Variants in CSMD1 observed in about 807,000 individuals in gnomAD.
CSMD1 encodes CUB and sushi domain-containing protein 1.
In CSMD1, 213 loss-of-function variants were observed where a neutral mutation model predicts 417.5. The observed-to-expected ratio is 0.51, with a 90% CI of 0.46 to 0.57. The LOEUF is 0.57. Among genes scored for constraint, CSMD1 ranks in the 20% least tolerant of loss-of-function variants. CSMD1 has a pLI of 0.00. For synonymous variants in CSMD1, 2,862 were observed against 1,736.8 expected (o/e 1.65, Z -16.11); for missense variants, 6,923 against 4,529.7 (o/e 1.53, Z -15.17).
chr8:4,921,173 G>A (rs919218529), intron 1 of CSMD1, among the ~76,000 whole-genome samples: 14 of 152,010 alleles, frequency 9.2e-5, no homozygotes, highest in African/African-American at 3.1e-4. Flanking sequence ...TGGTGATTTA[G>A]GGTCAGAAAC....
intron 1 of CSMD1, among the ~76,000 whole-genome samples, chr8:4,893,269 C>G (rs6558933): frequency 6.6e-6 from 1 of 152,016 alleles, no homozygotes. Flanking sequence ...ATGTTTCTAA[C>G]TGATGTTTTT....
intron 3 of CSMD1, among the ~76,000 whole-genome samples, chr8:4,318,986 T>C (rs1183514346): frequency 1.3e-5 from 2 of 152,200 alleles, no homozygotes; most frequent in African/African-American, 4.8e-5. Context: ...ATCATCTTCA[T>C]ATTAAACAGC....
intron 10 of CSMD1, among the ~76,000 whole-genome samples, chr8:3,570,993 A>T (rs115399630): frequency 0.026 from 4,007 of 152,316 alleles, 173 homozygotes; most frequent in African/African-American, 0.087. Flanking sequence ...AAAAATATTT[A>T]TGATTATTGA....
intron 10 of CSMD1, among the ~76,000 whole-genome samples, chr8:3,516,458 T>G (rs530168220): frequency 6.6e-6 from 1 of 152,120 alleles, no homozygotes; most frequent in African/African-American, 2.4e-5. Flanking sequence ...AGTGAGTCAT[T>G]GGAGTTGCCA....
chr8:2,947,398 G>A (rs1245382505), intron 68 of CSMD1, among the ~76,000 whole-genome samples: 3 of 152,148 alleles, frequency 2.0e-5, no homozygotes, highest in African/African-American at 7.2e-5. Context: ...TGCTGTTGCA[G>A]AATTACGTAA....
At chr8:3,694,344 G>A (rs17398135) in intron 7 of CSMD1, among the ~76,000 whole-genome samples, 1 of 152,062 alleles carries the variant, frequency 6.6e-6, no homozygotes, top group Non-Finnish European at 1.5e-5. Flanking sequence ...ACAGACAGGG[G>A]TCACTCAGGC....
intron 3 of CSMD1, among the ~76,000 whole-genome samples, chr8:4,154,569 G>A (rs1460823754): frequency 1.3e-5 from 2 of 152,152 alleles, no homozygotes; most frequent in East Asian, 1.9e-4. Flanking sequence ...GCCGTGAGCT[G>A]GGCCAAGAGG....
At chr8:4,753,406 CACACACACA>C (rs1811468877) in intron 1 of CSMD1, among the ~76,000 whole-genome samples, 13 of 52,590 alleles carry the variant, frequency 2.5e-4, no homozygotes, top group African/African-American at 4.4e-4. Context: ...CCATAAACCA[CACACACACA>C]CACACACACA....
At chr8:3,243,529 T>A (rs1244812344) in intron 26 of CSMD1, among the ~76,000 whole-genome samples, 1 of 151,950 alleles carries the variant, frequency 6.6e-6, no homozygotes, top group Non-Finnish European at 1.5e-5. Flanking sequence ...GGGGAGTTTT[T>A]GAGCCAGGAT....
intron 6 of CSMD1, among the ~76,000 whole-genome samples, chr8:3,740,920 A>C (rs1395363301): frequency 6.6e-6 from 1 of 152,004 alleles, no homozygotes; most frequent in East Asian, 1.9e-4. Context: ...CTGGGATCAG[A>C]AGAAGATAGA....
chr8:3,066,390 A>G (rs1254316881), intron 49 of CSMD1, among the ~76,000 whole-genome samples: 1 of 152,238 alleles, frequency 6.6e-6, no homozygotes, highest in South Asian at 2.1e-4. Flanking sequence ...AGAATCAGTG[A>G]CAGAACTCAA....
intron 8 of CSMD1, among the ~76,000 whole-genome samples, chr8:3,605,008 G>A (rs1250308404): frequency 1.3e-5 from 2 of 152,098 alleles, no homozygotes; most frequent in East Asian, 3.9e-4. Context: ...AAAGAAAGCA[G>A]TTCTTTTGTT....
At chr8:4,550,431 TA>T (rs1797820385) in intron 2 of CSMD1, among the ~76,000 whole-genome samples, 3 of 151,974 alleles carry the variant, frequency 2.0e-5, no homozygotes, top group South Asian at 4.2e-4. Context: ...TCTTGGCTAT[TA>T]AAAAAACTGT....
At chr8:4,897,216 A>T (rs1469262337) in intron 1 of CSMD1, among the ~76,000 whole-genome samples, 1 of 152,044 alleles carries the variant, frequency 6.6e-6, no homozygotes, top group Non-Finnish European at 1.5e-5. Flanking sequence ...AACTCACAAC[A>T]CGTCTGTTTT....
chr8:3,202,432 A>G (rs1797038354), intron 31 of CSMD1, among the ~76,000 whole-genome samples: 1 of 152,204 alleles, frequency 6.6e-6, no homozygotes, highest in East Asian at 1.9e-4. Context: ...CCTACAGGTT[A>G]TGAAAGGTGT....
intron 8 of CSMD1, among the ~76,000 whole-genome samples, chr8:3,599,010 G>C (rs984002017): frequency 1.3e-5 from 2 of 152,146 alleles, no homozygotes; most frequent in South Asian, 2.1e-4. Flanking sequence ...GAATGTGGGA[G>C]GTAGGGGTTG....
intron 1 of CSMD1, among the ~76,000 whole-genome samples, chr8:4,713,015 T>C (rs1192019763): frequency 6.6e-6 from 1 of 152,244 alleles, no homozygotes; most frequent in Non-Finnish European, 1.5e-5. Context: ...TTAGGCTGCC[T>C]GACTACAAGG....
intron 3 of CSMD1, among the ~76,000 whole-genome samples, chr8:4,309,876 A>G (rs1156352033): frequency 4.6e-5 from 7 of 152,202 alleles, no homozygotes; most frequent in Non-Finnish European, 8.8e-5. Context: ...GCATCACTTC[A>G]GAGGGTCTTA....
chr8:4,387,190 G>C (rs907537278), intron 3 of CSMD1, among the ~76,000 whole-genome samples: 1 of 152,102 alleles, frequency 6.6e-6, no homozygotes, highest in Non-Finnish European at 1.5e-5. Context: ...GTGGCTAGGA[G>C]GTATCTGAGT....
Sources: gnomAD v4.1 joint callset for allele counts (sites outside exome capture counted in the v4.1 genomes callset) on GRCh38, gnomAD v4.1.1 for gene constraint, MANE v1.5 for transcripts, NCBI Gene and HGNC (gene_info 2026-07-23, HGNC 2026-07-21) for gene names.